KCNMA1: variants seen among roughly 807,000 people sequenced by gnomAD.
KCNMA1 encodes the protein Calcium-activated potassium channel subunit alpha-1.
A neutral mutation model predicts 140.0 loss-of-function variants in KCNMA1; 29 were observed. That is an observed-to-expected ratio of 0.21 (90% confidence interval 0.15 to 0.28). KCNMA1 has a LOEUF of 0.28. Ranked by LOEUF, KCNMA1 falls within the 10% of genes least tolerant of loss-of-function variation. KCNMA1 has a pLI of 1.00. For missense variants in KCNMA1, 880 were observed against 1,602.2 expected, an observed-to-expected ratio of 0.55 and a Z score of 7.70; for synonymous variants, 612 against 611.9, an observed-to-expected ratio of 1.00 and a Z score of 0.00.
At chr10:77,182,683 T>C (rs2098812626) in intron 5 of KCNMA1, among the ~76,000 whole-genome samples, 1 of 152,200 alleles carries the variant, frequency 6.6e-6, no homozygotes, top group Non-Finnish European at 1.5e-5. Flanking sequence ...TGTTTCGGCC[T>C]GCCTTCTTCC....
chr10:76,991,883 T>C (rs113685611), intron 19 of KCNMA1, among the ~76,000 whole-genome samples: 1 of 152,212 alleles, frequency 6.6e-6, no homozygotes, highest in Non-Finnish European at 1.5e-5. Flanking sequence ...TCCCAGAAGA[T>C]AGCCCATGCT....
chr10:77,578,917 G>A (rs376804886), intron 1 of KCNMA1, among the ~76,000 whole-genome samples: 2 of 152,232 alleles, frequency 1.3e-5, no homozygotes, highest in African/African-American at 4.8e-5. Context: ...TAGAGCACCT[G>A]GCATATACCA....
At chr10:76,891,260 C>T (rs2039943089) in intron 26 of KCNMA1, 1 of 491,686 alleles carries the variant, frequency 2.0e-6, no homozygotes, top group Non-Finnish European at 3.7e-6. Flanking sequence ...GTCTAGTGCT[C>T]ATTCTCTCTG....
chr10:77,387,221 T>C (rs955007227), intron 2 of KCNMA1, among the ~76,000 whole-genome samples: 1 of 152,036 alleles, frequency 6.6e-6, no homozygotes, highest in African/African-American at 2.4e-5. Flanking sequence ...AGTCTCCAGA[T>C]GGAAAAATCT....
chr10:77,561,553 C>T (rs1225272396), intron 1 of KCNMA1, among the ~76,000 whole-genome samples: 1 of 152,238 alleles, frequency 6.6e-6, no homozygotes, highest in African/African-American at 2.4e-5. Context: ...ATTCCTTCCA[C>T]TTTCTGGCGC....
chr10:77,297,377 A>AT (rs2075440406), intron 2 of KCNMA1, among the ~76,000 whole-genome samples: 1 of 152,230 alleles, frequency 6.6e-6, no homozygotes, highest in Admixed American at 6.5e-5. Context: ...AGCTAAAGAT[A>AT]TAACAGAAAA....
intron 1 of KCNMA1, among the ~76,000 whole-genome samples, chr10:77,632,233 T>C (rs1470123787): frequency 6.6e-6 from 1 of 150,856 alleles, no homozygotes; most frequent in Non-Finnish European, 1.5e-5. Flanking sequence ...AAAAGGCAGG[T>C]GTGCCACAGA....
intron 13 of KCNMA1, among the ~76,000 whole-genome samples, chr10:77,073,556 T>C (rs556285617): frequency 6.6e-6 from 1 of 152,300 alleles, no homozygotes; most frequent in East Asian, 1.9e-4. Context: ...GTTACTAGGA[T>C]GTCTAGCTAA....
chr10:77,631,184 A>T (rs1242707318), intron 1 of KCNMA1, among the ~76,000 whole-genome samples: 6 of 150,830 alleles, frequency 4.0e-5, no homozygotes, highest in African/African-American at 4.9e-5. Flanking sequence ...TAAAGATGTG[A>T]TATTCCCACT....
intron 3 of KCNMA1, among the ~76,000 whole-genome samples, chr10:77,239,050 C>T (rs141870359): frequency 4.6e-5 from 7 of 152,308 alleles, no homozygotes; most frequent in African/African-American, 9.6e-5. Context: ...ACTCCTCAGC[C>T]TCACCTCGTA....
At chr10:76,963,322 C>T (rs752487232) in intron 20 of KCNMA1, among the ~76,000 whole-genome samples, 2 of 152,168 alleles carry the variant, frequency 1.3e-5, no homozygotes, top group Non-Finnish European at 2.9e-5. Context: ...ATCCCCAGGC[C>T]AGATCTGCTG....
intron 23 of KCNMA1, among the ~76,000 whole-genome samples, chr10:76,921,803 T>C (rs2055906071): frequency 6.6e-6 from 1 of 152,206 alleles, no homozygotes; most frequent in Non-Finnish European, 1.5e-5. Flanking sequence ...TGGAAATGAC[T>C]GCAAGAAAAA....
At chr10:77,154,384 A>T (rs1212387173) in intron 5 of KCNMA1, among the ~76,000 whole-genome samples, 1 of 152,198 alleles carries the variant, frequency 6.6e-6, no homozygotes, top group African/African-American at 2.4e-5. Context: ...AACATCCAGC[A>T]CTGTGCAGCC....
intron 20 of KCNMA1, among the ~76,000 whole-genome samples, chr10:76,964,063 C>T (rs1232616294): frequency 6.6e-6 from 1 of 151,930 alleles, no homozygotes; most frequent in Non-Finnish European, 1.5e-5. Context: ...CAGAGCAAAT[C>T]CTGGCTCCTG....
chr10:76,895,712 G>A (rs1241202245), intron 25 of KCNMA1, among the ~76,000 whole-genome samples: 1 of 152,094 alleles, frequency 6.6e-6, no homozygotes, highest in Non-Finnish European at 1.5e-5. Context: ...ATGTACATTC[G>A]TTTCTATTTC....
intron 1 of KCNMA1, among the ~76,000 whole-genome samples, chr10:77,569,626 A>G (rs2154560605): frequency 6.6e-6 from 1 of 152,304 alleles, no homozygotes; most frequent in East Asian, 1.9e-4. Context: ...CTAAAACCAT[A>G]AAAACTGTAG....
intron 19 of KCNMA1, among the ~76,000 whole-genome samples, chr10:76,972,895 C>T (rs893766476): frequency 6.6e-6 from 1 of 152,130 alleles, no homozygotes; most frequent in Non-Finnish European, 1.5e-5. Context: ...AATTATCAGC[C>T]TTTATATGGA....
chr10:77,099,161 A>G lies in KCNMA1; in HGVS notation c.1224-8651T>C, dbSNP rs147867119. ...GGGATGAAGGTGGAATAGAGGGAGA[A>G]TGAGTCCAAGCAAAGAAATGGCTCT... On this transcript the variant is annotated intron_variant, in intron 9 of 27. Transcript: ENST00000286628. Among the ~76,000 whole-genome samples the G allele has an allele frequency of 5.1e-4, 77 of 152,198 alleles. No homozygotes were observed. In the East Asian group the frequency reaches 0.014, roughly 28 times the overall value.
At chr10:77,259,084 C>A (rs2061424880) in intron 2 of KCNMA1, among the ~76,000 whole-genome samples, 1 of 152,070 alleles carries the variant, frequency 6.6e-6, no homozygotes, top group Non-Finnish European at 1.5e-5. Context: ...CCCTAAATTA[C>A]CAAGCTAGCA....
Sources: gnomAD v4.1 joint callset for allele counts (sites outside exome capture counted in the v4.1 genomes callset) on GRCh38, gnomAD v4.1.1 for gene constraint, MANE v1.5 for transcripts, NCBI Gene and HGNC (gene_info 2026-07-23, HGNC 2026-07-21) for gene names.